GTF3C2: variants seen among roughly 807,000 people sequenced by gnomAD.
GTF3C2 encodes the protein general transcription factor IIIC subunit 2.
A neutral mutation model predicts 117.4 loss-of-function variants in GTF3C2; 17 were observed. The ratio of observed to expected loss-of-function variants is 0.14; its 90% confidence interval spans 0.10 to 0.22. GTF3C2 has a LOEUF of 0.22. Among genes scored for constraint, GTF3C2 ranks in the 10% least tolerant of loss-of-function variants. The pLI is 1.00. For synonymous variants in GTF3C2, 437 were observed against 427.0 expected (o/e 1.02, Z -0.29); for missense variants, 888 against 1,143.6 (o/e 0.78, Z 3.22).
chr2:27,342,802 C>T, intron 3 of GTF3C2, 24 bp downstream of exon 3: 2 of 1,588,016 alleles, frequency 1.3e-6, no homozygotes, highest in South Asian at 1.1e-5. Context: ...CCCCCTCCAC[C>T]AAGCTATGCC....
exon 19 of GTF3C2, chr2:27,326,200 G>GGCA (rs1230259011): frequency 2.1e-6 from 1 of 471,874 alleles, no homozygotes; most frequent in Non-Finnish European, 4.4e-6. Context: ...CACCCTCGTG[G>GGCA]GCATACATGA....
chr2:27,345,104 T>G (rs1680871060), intron 1 of GTF3C2, among the ~76,000 whole-genome samples: 1 of 145,208 alleles, frequency 6.9e-6, no homozygotes, highest in South Asian at 2.3e-4. Context: ...GGCAACAGAG[T>G]GAGACTCCTT....
At chr2:27,348,164 G>C (rs1031687212) in intron 1 of GTF3C2, among the ~76,000 whole-genome samples, 1 of 152,118 alleles carries the variant, frequency 6.6e-6, no homozygotes, top group Admixed American at 6.6e-5. Context: ...CTACTTGGGA[G>C]GCTGACGCAG....
intron 1 of GTF3C2, among the ~76,000 whole-genome samples, chr2:27,347,376 A>C (rs1558622517): frequency 1.3e-5 from 2 of 152,258 alleles, no homozygotes; most frequent in Admixed American, 1.3e-4. Flanking sequence ...ACCAGATTAT[A>C]AACTATAGCA....
At chr2:27,326,444 G>A (rs1317071966) in exon 19 of GTF3C2, 5 of 589,230 alleles carry the variant, frequency 8.5e-6, no homozygotes, top group Non-Finnish European at 1.5e-5. Flanking sequence ...CATAGTCTTA[G>A]GCTGAGGAGC....
chr2:27,350,085 C>T (rs1477860296), intron 1 of GTF3C2, among the ~76,000 whole-genome samples: 1 of 151,994 alleles, frequency 6.6e-6, no homozygotes, highest in Non-Finnish European at 1.5e-5. Context: ...TAATCAATGA[C>T]AAAGTAGATA....
rs537600796 is a variant in GTF3C2 at position 27,342,732 on chromosome 2, C to T, written c.569+94G>A. On this transcript the variant is annotated intron_variant, in intron 3 of 18. Transcript: ENST00000264720. The stretch of plus-strand genomic sequence containing the variant: ...GAATCCAGACACCACCCCTGCTTAC[C>T]TAATACCTCATCAGTCTTCTCTCTC... 8.6e-6 allele frequency: 8 copies of T among 932,556 alleles called. No individual in the cohort carries two copies. In the South Asian group the frequency reaches 1.2e-4, roughly 15 times the overall value. 57.8% of individuals were successfully genotyped at this position (932,556 alleles called of 1,614,324 possible). A position where few individuals can be genotyped will look rare whatever the true frequency, so the allele number is the denominator to read the frequency against.
intron 1 of GTF3C2, among the ~76,000 whole-genome samples, chr2:27,346,725 C>T (rs369667847): frequency 6.6e-6 from 1 of 151,090 alleles, no homozygotes; most frequent in Non-Finnish European, 1.5e-5. Flanking sequence ...GTCAGGATCT[C>T]GCTCTGTCAC....
In GTF3C2 at chr2:27,336,129, C is replaced by G; in HGVS notation, c.1355+69G>C. The G allele has an allele frequency of 2.1e-6, 3 of 1,425,484 alleles. No individual in the cohort carries two copies. In the East Asian group the frequency reaches 6.8e-5, roughly 32 times the overall value. The allele number at this position is 1,425,484 out of a possible 1,614,324, so 88.3% of individuals were successfully genotyped here. On this transcript the variant is annotated intron_variant, in intron 8 of 18. Coordinates refer to ENST00000264720, the Ensembl canonical transcript of GTF3C2. ...CTCAGCCCAATCCAAGCCCTTCCCCCTATCCTGTCCAGACCCCATCCTGCT... is the reference window on the plus strand; with the variant it reads ...CTCAGCCCAATCCAAGCCCTTCCCCGTATCCTGTCCAGACCCCATCCTGCT...
At chr2:27,333,158 CTTT>C (rs1199330474) in intron 12 of GTF3C2, among the ~76,000 whole-genome samples, 42 of 130,162 alleles carry the variant, frequency 3.2e-4, no homozygotes, top group African/African-American at 1.1e-3. Context: ...GGCATCTACT[CTTT>C]TTTTTTTTTT....
At chr2:27,346,318 C>T (rs1680913931) in intron 1 of GTF3C2, among the ~76,000 whole-genome samples, 1 of 139,912 alleles carries the variant, frequency 7.1e-6, no homozygotes, top group Non-Finnish European at 1.5e-5. Flanking sequence ...GCCACCGTGC[C>T]CATTCTGATA....
chr2:27,325,873 TTAATC>T (rs1489466336), exon 19 of GTF3C2: 2 of 179,096 alleles, frequency 1.1e-5, no homozygotes, highest in Non-Finnish European at 2.4e-5. Flanking sequence ...CTGAAGATAT[TTAATC>T]TAGAGAAGAT....
At chr2:27,339,823 C>G (rs1440691607) in intron 4 of GTF3C2, 6 of 152,006 alleles carry the variant, frequency 3.9e-5, no homozygotes, top group Non-Finnish European at 8.8e-5. Context: ...CCCATCTCTA[C>G]TAAAAATACA....
exon 16 of GTF3C2, chr2:27,328,565 A>G (rs776726954): frequency 1.2e-6 from 2 of 1,611,240 alleles, no homozygotes; most frequent in Non-Finnish European, 1.7e-6. Context: ...TCCTGCAGCT[A>G]TTGTCCCAAG....
At chr2:27,350,616 ACAG>A in intron 1 of GTF3C2, 2 of 525,480 alleles carry the variant, frequency 3.8e-6, no homozygotes, top group Non-Finnish European at 4.9e-6. Flanking sequence ...CCTGGGCAAC[ACAG>A]CAAGACTTTG....
chr2:27,333,835 G>A (rs762148566), intron 11 of GTF3C2, 51 bp from the exon 12 acceptor site: 11 of 1,574,038 alleles, frequency 7.0e-6, no homozygotes, highest in African/African-American at 1.4e-5. Context: ...TACACTGTTT[G>A]GAACGAAAGC....
chr2:27,328,181 A>G, exon 17 of GTF3C2: 1 of 1,577,978 alleles, frequency 6.3e-7, no homozygotes, highest in Non-Finnish European at 8.6e-7. Flanking sequence ...GATCTGCTTT[A>G]TATATAGGCT....
intron 1 of GTF3C2, 99 bp downstream of exon 1, chr2:27,356,640 G>C (rs1003556100): frequency 6.3e-6 from 1 of 157,900 alleles, no homozygotes; most frequent in African/African-American, 2.4e-5. Flanking sequence ...GAGAAGAGCG[G>C]AGCCAGGAGT....
At position 27,335,967 on chromosome 2, in the gene GTF3C2, G is replaced by C. The variant is rs148867164; in HGVS notation, c.1417C>G (p.Leu473Val). ...CATGCTCCACTGGGGCAGAACTTGAGGTCCCAGATGCAGCCGTTGTCACAA... is the reference window on the plus strand; with the variant it reads ...CATGCTCCACTGGGGCAGAACTTGACGTCCCAGATGCAGCCGTTGTCACAA... Residue 473 changes from leucine to valine, a missense_variant, in exon 9 of 19, where the codon CTC (leucine) becomes GTC (valine). Leu to Val is a conservative substitution (Grantham distance 32). Around this residue, in one of 7 missense-constraint regions of GTF3C2, gnomAD observed 277 missense variants for 445.4 expected, o/e 0.62. Coordinates refer to ENST00000264720, the Ensembl canonical transcript of GTF3C2. The C allele has an allele frequency of 2.8e-3, 4,485 of 1,613,908 alleles. 12 individuals carry two copies. The highest frequency in any genetic ancestry group is 3.5e-3 in the Non-Finnish European group (4,112 of 1,179,752).
Sources: allele counts gnomAD v4.1 joint callset (sites outside exome capture counted in the v4.1 genomes callset), GRCh38; gene constraint gnomAD v4.1.1; regional missense constraint gnomAD v4.1.1; transcripts MANE v1.5; gene names NCBI Gene and HGNC (gene_info 2026-07-23, HGNC 2026-07-21).